EYS: variants seen among roughly 807,000 people sequenced by gnomAD.
EYS encodes the protein protein eyes shut homolog.
In EYS, 250 loss-of-function variants were observed where a neutral mutation model predicts 282.1. That is an observed-to-expected ratio of 0.89 (90% CI 0.80 to 0.98). The LOEUF is 0.98. Ranked by LOEUF, EYS falls within the 50% of genes least tolerant of loss-of-function variation. The pLI, the probability that EYS is intolerant of heterozygous loss-of-function variation, is 0.00. For synonymous variants in EYS, 1,355 were observed against 1,282.9 expected (o/e 1.06, Z -1.20); for missense variants, 4,016 against 3,709.0 (o/e 1.08, Z -2.15).
chr6:64,875,856 TG>T (rs1160075681), intron 19 of EYS, among the ~76,000 whole-genome samples: 2 of 152,062 alleles, frequency 1.3e-5, no homozygotes, highest in African/African-American at 4.8e-5. Context: ...TAAATATAGG[TG>T]GATAATGACC....
At position 65,210,793 on chromosome 6, in the gene EYS, T is replaced by G. The variant is rs549745942; in HGVS notation, c.2023+85070A>C. 1.1e-4 allele frequency among the ~76,000 whole-genome samples: 17 copies of G among 152,068 alleles called. No individual in the cohort carries two copies. The East Asian group carries it at 3.1e-3, about 28-fold the overall frequency. On this transcript the variant is annotated intron_variant, in intron 12 of 42. Transcript: ENST00000503581. ...AATTTTATAATATATTTAATGAGATTTTAAATTTCTCAGTGTTAAGTTTTA... is the reference window on the plus strand; with the variant it reads ...AATTTTATAATATATTTAATGAGATGTTAAATTTCTCAGTGTTAAGTTTTA...
Position 65,003,196 on chromosome 6 carries a change from C to T in EYS, c.2138-5493G>A, listed in dbSNP as rs1771522807. Among the ~76,000 whole-genome samples the T allele has an allele frequency of 1.4e-5, 2 of 147,486 alleles. 1 individual carries two copies. The highest frequency in any genetic ancestry group is 3.0e-5 in the Non-Finnish European group (2 of 65,902). On this transcript the variant is annotated intron_variant, in intron 13 of 42. Coordinates refer to ENST00000503581, the MANE Select transcript of EYS (RefSeq NM_001142800.2). ...AATATAGCTGAATTCTTTTTCTCAG[C>T]AAGGAACATCCCTGAGAAAGAGAAT...
At chr6:64,953,870 T>G (rs1769596102) in intron 14 of EYS, among the ~76,000 whole-genome samples, 1 of 151,964 alleles carries the variant, frequency 6.6e-6, no homozygotes. Flanking sequence ...ATGAAGAATA[T>G]GAAAAGTCAC....
At chr6:64,950,918 G>C (rs1769483002) in intron 14 of EYS, among the ~76,000 whole-genome samples, 1 of 149,200 alleles carries the variant, frequency 6.7e-6, no homozygotes, top group Non-Finnish European at 1.5e-5. Flanking sequence ...TAAGACTACA[G>C]AGGGCTCTGC....
chr6:64,893,856 T>C (rs1451914225), intron 18 of EYS, among the ~76,000 whole-genome samples: 2 of 151,900 alleles, frequency 1.3e-5, no homozygotes, highest in Non-Finnish European at 2.9e-5. Context: ...ACACATTTCA[T>C]ACACATATAT....
intron 33 of EYS, among the ~76,000 whole-genome samples, chr6:64,021,347 A>G (rs934411281): frequency 1.3e-5 from 2 of 151,710 alleles, no homozygotes; most frequent in African/African-American, 2.4e-5. Flanking sequence ...CCTGGGGTAC[A>G]TTTGACAATG....
At chr6:63,784,356 C>T (rs1770312011) in intron 39 of EYS, among the ~76,000 whole-genome samples, 1 of 152,116 alleles carries the variant, frequency 6.6e-6, no homozygotes, top group African/African-American at 2.4e-5. Context: ...ATTAAAAAAT[C>T]AGTGGAAGCG....
chr6:63,752,976 G>A (rs112633986), intron 41 of EYS, among the ~76,000 whole-genome samples: 3 of 151,574 alleles, frequency 2.0e-5, no homozygotes, highest in Non-Finnish European at 2.9e-5. Flanking sequence ...ATGTGCAGTC[G>A]TTTGTCATGT....
At chr6:64,526,018 C>T (rs994734476) in intron 26 of EYS, among the ~76,000 whole-genome samples, 1 of 151,676 alleles carries the variant, frequency 6.6e-6, no homozygotes, top group African/African-American at 2.4e-5. Flanking sequence ...ATGGAACAAA[C>T]TATTAATAGA....
In EYS at chr6:64,692,977, CTTTTTTTTTT is replaced by C. The variant is rs67700846; in HGVS notation, c.3444-66742_3444-66733del. Among the ~76,000 whole-genome samples the C allele has an allele frequency of 6.1e-4, 7 of 11,500 alleles. 1 individual carries two copies. Among genetic ancestry groups the C allele is most frequent in the South Asian group, 0.017 (2 of 120 alleles). The allele number at this position is 11,500 out of a possible 152,430, so 7.5% of individuals were successfully genotyped here. ...CTTGGGATTGGTTTGGCTGCTTGGGCTTTTTTTTTTTTTTTTTTTTTTGGTTCCAGAGGAA... is the reference window on the plus strand; with the variant it reads ...CTTGGGATTGGTTTGGCTGCTTGGGCTTTTTTTTTTTTGGTTCCAGAGGAA... On this transcript the variant is annotated intron_variant, in intron 22 of 42. Coordinates refer to ENST00000503581, the MANE Select transcript of EYS (RefSeq NM_001142800.2).
At chr6:64,342,590 G>A (rs1159198433) in intron 29 of EYS, among the ~76,000 whole-genome samples, 8 of 151,920 alleles carry the variant, frequency 5.3e-5, no homozygotes, top group East Asian at 1.9e-4. Flanking sequence ...AGGAACAACC[G>A]GTACCAGCCA....
At position 65,173,756 on chromosome 6, in the gene EYS, T is replaced by C. The variant is rs571133413; in HGVS notation, c.2024-116029A>G. Among the ~76,000 whole-genome samples, 16 of 151,384 alleles carry C rather than the reference T, an allele frequency of 1.1e-4. No individual in the cohort carries two copies. In the South Asian group the frequency reaches 3.3e-3, roughly 31 times the overall value. On this transcript the variant is annotated intron_variant, in intron 12 of 42. Coordinates refer to ENST00000503581, the MANE Select transcript of EYS (RefSeq NM_001142800.2). ...GATACAATATATGAATATATAGATGTAATTCTGTTGTATGAACAAAATTGT... is the reference window on the plus strand; with the variant it reads ...GATACAATATATGAATATATAGATGCAATTCTGTTGTATGAACAAAATTGT...
At chr6:64,035,366 G>A (rs1427822083) in intron 33 of EYS, among the ~76,000 whole-genome samples, 1 of 152,114 alleles carries the variant, frequency 6.6e-6, no homozygotes, top group Non-Finnish European at 1.5e-5. Context: ...TAGATGTGAT[G>A]GTAAATGCAG....
At chr6:64,641,908 T>C (rs1355259294) in intron 22 of EYS, among the ~76,000 whole-genome samples, 1 of 152,160 alleles carries the variant, frequency 6.6e-6, no homozygotes, top group Non-Finnish European at 1.5e-5. Context: ...AACAGTTTTA[T>C]CCCCACACAA....
intron 37 of EYS, among the ~76,000 whole-genome samples, chr6:63,799,142 T>A (rs1487838472): frequency 6.6e-6 from 1 of 150,856 alleles, no homozygotes; most frequent in African/African-American, 2.4e-5. Flanking sequence ...GCCTCCTGAG[T>A]AGCTGGGATT....
In EYS at chr6:65,495,254, A is replaced by G; in HGVS notation, c.157T>C (p.Phe53Leu). 6.2e-7 allele frequency: 1 copy of G among 1,614,166 alleles called. No individual in the cohort carries two copies. Among genetic ancestry groups the G allele is most frequent in the South Asian group, 1.1e-5 (1 of 91,088 alleles). Residue 53 changes from phenylalanine (F) to leucine (L), a missense_variant, in exon 4 of 43, where the codon TTC becomes CTC. Transcript: ENST00000503581. ...CCCAAAAACCAGCAATCTCTGTAGA[A>G]GTCCAAGCAGATGTTTTCTGTTAGT... Reference protein sequence around the residue: ...WTLTENICLDFYRDCWFLGVN... With the variant: ...WTLTENICLDLYRDCWFLGVN...
At chr6:64,167,556 A>C (rs1261154850) in intron 31 of EYS, among the ~76,000 whole-genome samples, 2 of 152,204 alleles carry the variant, frequency 1.3e-5, no homozygotes, top group Non-Finnish European at 2.9e-5. Context: ...AATTCAGGGC[A>C]GGTTACAAGA....
chr6:64,870,869 T>C (rs1201058975), intron 19 of EYS, among the ~76,000 whole-genome samples: 2 of 151,672 alleles, frequency 1.3e-5, no homozygotes, highest in Non-Finnish European at 3.0e-5. Context: ...GATAAGACAA[T>C]AGAATTTATG....
chr6:65,204,393 T>A (rs1459573566), intron 12 of EYS, among the ~76,000 whole-genome samples: 1 of 149,544 alleles, frequency 6.7e-6, no homozygotes, highest in Non-Finnish European at 1.5e-5. Flanking sequence ...GAGGCCCTAT[T>A]TTTAGCCTCC....
Sources: gnomAD v4.1 joint callset for allele counts (sites outside exome capture counted in the v4.1 genomes callset) on GRCh38, gnomAD v4.1.1 for gene constraint, MANE v1.5 for transcripts, NCBI Gene and HGNC (gene_info 2026-07-23, HGNC 2026-07-21) for gene names.